Variants in NEURL1B observed in about 807,000 individuals in gnomAD.
The protein encoded by NEURL1B is E3 ubiquitin-protein ligase NEURL1B.
A neutral mutation model predicts 37.4 loss-of-function variants in NEURL1B; 13 were observed. The observed-to-expected ratio is 0.35, with a 90% CI of 0.23 to 0.55. The LOEUF (loss-of-function observed/expected upper bound fraction) is 0.55. Among genes scored for constraint, NEURL1B ranks in the 20% least tolerant of loss-of-function variants. The pLI is 0.89. For missense variants in NEURL1B, 790 were observed against 879.2 expected, an observed-to-expected ratio of 0.90 and a Z score of 1.28; for synonymous variants, 432 against 426.6, an observed-to-expected ratio of 1.01 and a Z score of -0.16.
At position 172,657,320 on chromosome 5, in the gene NEURL1B, C is replaced by T. The variant is rs1757815415; in HGVS notation, c.32-12465C>T. Among the ~76,000 whole-genome samples the T allele has an allele frequency of 6.6e-6, 1 of 152,038 alleles. No homozygotes were observed. The highest frequency in any genetic ancestry group is 1.5e-5 in the Non-Finnish European group (1 of 68,000). ...TGGGATGGAGATTCTAATCAGGGCTCCTGTGGGTGGAGGATTACCCAGGTG... is the reference window on the plus strand; with the variant it reads ...TGGGATGGAGATTCTAATCAGGGCTTCTGTGGGTGGAGGATTACCCAGGTG... On this transcript the variant is annotated intron_variant, in intron 1 of 4. Coordinates refer to ENST00000369800, the MANE Select transcript of NEURL1B (RefSeq NM_001142651.3). The surrounding 1 kb of genome is among the most constrained non-coding windows in gnomAD (Gnocchi z 4.0).
intron 2 of NEURL1B, among the ~76,000 whole-genome samples, chr5:172,673,632 C>G (rs1434490182): frequency 6.6e-6 from 1 of 152,052 alleles, no homozygotes; most frequent in African/African-American, 2.4e-5. Flanking sequence ...GGGTTTCACT[C>G]TTGTTGCTCA....
chr5:172,666,931 A>G (rs906063217), intron 1 of NEURL1B, among the ~76,000 whole-genome samples: 13 of 152,138 alleles, frequency 8.5e-5, no homozygotes, highest in African/African-American at 2.9e-4. Context: ...TCCCATCTGT[A>G]AAATGGGCTT....
Position 172,688,170 on chromosome 5 carries a change from G to C in NEURL1B, c.*1245G>C, listed in dbSNP as rs1758552267. On this transcript the variant is annotated 3_prime_UTR_variant, in exon 5 of 5. Coordinates refer to ENST00000369800, the MANE Select transcript of NEURL1B (RefSeq NM_001142651.3). This position sits in a 1 kb window ranked among gnomAD's most constrained non-coding sequence, Gnocchi z 4.3. The stretch of plus-strand genomic sequence containing the variant: ...TCTGCAGACTCCCAGATCACATCTG[G>C]GCTGATGGGCTGGCCCAGGCCTGTC... The C allele has an allele frequency of 6.5e-6, 1 of 152,778 alleles. No individual in the cohort carries two copies. The highest frequency in any genetic ancestry group is 2.1e-4 in the South Asian group (1 of 4,832). 9.5% of individuals were successfully genotyped at this position (152,778 alleles called of 1,614,324 possible). A position where few individuals can be genotyped will look rare whatever the true frequency, so the allele number is the denominator to read the frequency against.
rs997236673 is a variant in NEURL1B, at chr5:172,670,038, C to T, written c.285C>T (p.Gly95=). The T allele has an allele frequency of 2.7e-6, 4 of 1,506,576 alleles. No individual in the cohort carries two copies. Among genetic ancestry groups the T allele is most frequent in the Non-Finnish European group, 1.8e-6 (2 of 1,133,870 alleles). 93.3% of individuals were successfully genotyped at this position (1,506,576 alleles called of 1,614,324 possible). A position where few individuals can be genotyped will look rare whatever the true frequency, so the allele number is the denominator to read the frequency against. ...RLVAVRPGWS[G]ALRFGFTAHD... Reference sequence around the variant, plus strand: ...TGGCCGTGCGCCCTGGCTGGAGCGGCGCGCTGCGCTTCGGCTTCACCGCGC... The same window carrying T: ...TGGCCGTGCGCCCTGGCTGGAGCGGTGCGCTGCGCTTCGGCTTCACCGCGC... The change falls in exon 2 of 5, where the codon GGC becomes GGT. Residue 95 remains glycine, a synonymous_variant. Transcript: ENST00000369800.
chr5:172,645,085 T>C (rs1015101526), intron 1 of NEURL1B, among the ~76,000 whole-genome samples: 1 of 152,214 alleles, frequency 6.6e-6, no homozygotes, highest in African/African-American at 2.4e-5. Flanking sequence ...CCTGGAGCTT[T>C]GGAGTGAGGA....
rs1370005193 is a variant in NEURL1B, at chr5:172,684,147, C to T, written c.1297+9C>T. 2.4e-6 allele frequency: 3 copies of T among 1,231,996 alleles called. No homozygotes were observed. The highest frequency in any genetic ancestry group is 4.3e-5 in the Admixed American group (1 of 23,000). 76.3% of individuals were successfully genotyped at this position (1,231,996 alleles called of 1,614,324 possible). A position where few individuals can be genotyped will look rare whatever the true frequency, so the allele number is the denominator to read the frequency against. On this transcript the variant is annotated intron_variant, in intron 3 of 4. Coordinates refer to ENST00000369800, the MANE Select transcript of NEURL1B (RefSeq NM_001142651.3). Reference sequence around the variant, plus strand: ...CCAGCTGCGTCTCCTCGGTGAGTCCCCGGCCCCGCGTGCGCGAGGCCCCGC... The same window carrying T: ...CCAGCTGCGTCTCCTCGGTGAGTCCTCGGCCCCGCGTGCGCGAGGCCCCGC...
chr5:172,673,133 G>A (rs1476801633), intron 2 of NEURL1B, among the ~76,000 whole-genome samples: 3 of 152,132 alleles, frequency 2.0e-5, no homozygotes, highest in Admixed American at 6.5e-5. Flanking sequence ...TTTATAATCA[G>A]GAAAAATGTT....
At chr5:172,682,390 C>T (rs535525618) in intron 2 of NEURL1B, among the ~76,000 whole-genome samples, 1 of 152,192 alleles carries the variant, frequency 6.6e-6, no homozygotes, top group Non-Finnish European at 1.5e-5. Context: ...GCCTGGCCAA[C>T]ATGGCAAAGC....
At chr5:172,656,683 G>T in intron 1 of NEURL1B, 3 of 1,495,778 alleles carry the variant, frequency 2.0e-6, no homozygotes, top group Non-Finnish European at 1.8e-6. Context: ...TGTTTCAGTG[G>T]CTTCTTCTTG....
At chr5:172,654,417 G>A (rs373997895) in intron 1 of NEURL1B, among the ~76,000 whole-genome samples, 14 of 152,270 alleles carry the variant, frequency 9.2e-5, no homozygotes, top group African/African-American at 3.4e-4. Flanking sequence ...GTCCTGAAGG[G>A]AGCTCCTCCT....
rs1044538161 is a variant in NEURL1B, at chr5:172,641,484, C to T, written c.31+47C>T. On this transcript the variant is annotated intron_variant, in intron 1 of 4. Coordinates refer to ENST00000369800, the MANE Select transcript of NEURL1B (RefSeq NM_001142651.3). This position sits in a 1 kb window ranked among gnomAD's most constrained non-coding sequence, Gnocchi z 6.4. ...GGGAGGCGGGCGCCGGGCTTCTCTC[C>T]TCCGGGGGACCCGCTGGGTGACTCT... 6.0e-5 allele frequency: 75 copies of T among 1,255,612 alleles called. No individual in the cohort carries two copies. Among genetic ancestry groups the T allele is most frequent in the Non-Finnish European group, 7.3e-5 (73 of 1,000,218 alleles). The allele number at this position is 1,255,612 out of a possible 1,614,324, so 77.8% of individuals were successfully genotyped here. A position where few individuals can be genotyped will look rare whatever the true frequency, so the allele number is the denominator to read the frequency against.
At chr5:172,672,514 A>T (rs1178268702) in intron 2 of NEURL1B, among the ~76,000 whole-genome samples, 1 of 148,032 alleles carries the variant, frequency 6.8e-6, no homozygotes, top group African/African-American at 2.5e-5. Context: ...ACTTAATGAG[A>T]TTGCATAAAT....
chr5:172,686,836 T>A lies in NEURL1B; in HGVS notation c.1579T>A (p.Cys527Ser). ...TCGHMCLCHS[C>S]GLRLKRQARA... The stretch of plus-strand genomic sequence containing the variant: ...TGGACACATGTGCCTGTGCCACAGC[T>A]GCGGCCTGCGGCTCAAGCGACAGGC... Residue 527 changes from cysteine to serine, a missense_variant, in exon 5 of 5, where the codon TGC (cysteine) becomes AGC (serine). Cys to Ser is a moderately radical substitution (Grantham distance 112, BLOSUM62 -1). Around this residue, in one of 3 missense-constraint regions of NEURL1B, gnomAD observed 115 missense variants for 162.6 expected, o/e 0.71. Transcript: ENST00000369800. The surrounding 1 kb of genome is among the most constrained non-coding windows in gnomAD (Gnocchi z 7.9). 1.9e-6 allele frequency: 3 copies of A among 1,551,202 alleles called. No individual in the cohort carries two copies. Among genetic ancestry groups the A allele is most frequent in the Non-Finnish European group, 2.6e-6 (3 of 1,147,046 alleles).
In NEURL1B at chr5:172,641,571, T is replaced by A; in HGVS notation, c.31+134T>A. Reference sequence around the variant, plus strand: ...GCAGCGGGCTGGAGTCTCCGGTACCTCCCGGACCTCAGCTCGGCGCGCGCC... The same window carrying A: ...GCAGCGGGCTGGAGTCTCCGGTACCACCCGGACCTCAGCTCGGCGCGCGCC... On this transcript the variant is annotated intron_variant, in intron 1 of 4. Transcript: ENST00000369800. The surrounding 1 kb of genome is among the most constrained non-coding windows in gnomAD (Gnocchi z 6.4). The A allele has an allele frequency of 1.4e-6, 1 of 724,784 alleles. No homozygotes were observed. The highest frequency in any genetic ancestry group is 1.9e-6 in the Non-Finnish European group (1 of 526,662). 44.9% of individuals were successfully genotyped at this position (724,784 alleles called of 1,614,324 possible).
At chr5:172,679,340 G>A (rs1758300631) in intron 2 of NEURL1B, among the ~76,000 whole-genome samples, 1 of 152,228 alleles carries the variant, frequency 6.6e-6, no homozygotes, top group South Asian at 2.1e-4. Flanking sequence ...TAGTGGTGAG[G>A]ACCAAAGGGG....
chr5:172,671,796 A>G (rs1758134064), intron 2 of NEURL1B, among the ~76,000 whole-genome samples: 1 of 152,158 alleles, frequency 6.6e-6, no homozygotes, highest in South Asian at 2.1e-4. Context: ...CCCCTTCATT[A>G]CCCCACCATT....
rs187474325 is a variant in NEURL1B at position 172,654,630 on chromosome 5, A to G, written c.31+13193A>G. 2.1e-4 allele frequency among the ~76,000 whole-genome samples: 32 copies of G among 149,422 alleles called. No homozygotes were observed. In the East Asian group the frequency reaches 5.7e-3, roughly 26 times the overall value. On this transcript the variant is annotated intron_variant, in intron 1 of 4. Transcript: ENST00000369800. ...TCTGAACTGGTGAGGTGTGCTCACA[A>G]TGAGGTTTCCTCTAAAAGTTATTTT...
intron 1 of NEURL1B, among the ~76,000 whole-genome samples, chr5:172,655,911 T>G (rs1303006178): frequency 6.6e-6 from 1 of 152,116 alleles, no homozygotes; most frequent in Non-Finnish European, 1.5e-5. Context: ...TATATAAAGT[T>G]TCGGTGCCGC....
At chr5:172,674,703 C>T (rs1398090437) in intron 2 of NEURL1B, among the ~76,000 whole-genome samples, 4 of 151,300 alleles carry the variant, frequency 2.6e-5, no homozygotes, top group African/African-American at 4.9e-5. Flanking sequence ...TCCTTCCTCC[C>T]TCCCTGCTTG....
Sources: gnomAD v4.1 joint callset for allele counts (sites outside exome capture counted in the v4.1 genomes callset) on GRCh38, gnomAD v4.1.1 for gene constraint, gnomAD v4.1.1 regional missense constraint, Gnocchi (gnomAD v3.1) non-coding constraint, MANE v1.5 for transcripts, NCBI Gene and HGNC (gene_info 2026-07-23, HGNC 2026-07-21) for gene names.